The following IL21R variants were observed in gnomAD, a reference collection of about 807,000 sequenced individuals.
The protein encoded by IL21R is interleukin-21 receptor.
In IL21R, 14 loss-of-function variants were observed where a neutral mutation model predicts 41.3. The ratio of observed to expected loss-of-function variants is 0.34; its 90% CI spans 0.22 to 0.53. The LOEUF is 0.53. Among genes scored for constraint, IL21R ranks in the 20% least tolerant of loss-of-function variants. The pLI, the probability that IL21R is intolerant of heterozygous loss-of-function variation, is 0.94. For synonymous variants in IL21R, 286 were observed against 287.6 expected, an observed-to-expected ratio of 0.99 and a Z score of 0.05; for missense variants, 588 against 681.6, an observed-to-expected ratio of 0.86 and a Z score of 1.53.
chr16:27,443,231 G>A, intron 5 of IL21R, 115 bp downstream of exon 5: 2 of 956,540 alleles, frequency 2.1e-6, no homozygotes, highest in Admixed American at 3.0e-5. Flanking sequence ...CAAGAACAGA[G>A]ACCAAGGGCA....
chr16:27,407,953 A>G (rs922292692), intron 1 of IL21R, among the ~76,000 whole-genome samples: 1 of 152,252 alleles, frequency 6.6e-6, no homozygotes, highest in African/African-American at 2.4e-5. Context: ...TACGGTCTAC[A>G]TAGGTCTTAA....
intron 4 of IL21R, among the ~76,000 whole-genome samples, chr16:27,440,001 C>T (rs1238903450): frequency 6.6e-6 from 1 of 151,964 alleles, no homozygotes; most frequent in Non-Finnish European, 1.5e-5. Context: ...CTCCACCTGC[C>T]CCGGGGAAGA....
intron 1 of IL21R, among the ~76,000 whole-genome samples, chr16:27,418,455 G>A (rs1006404550): frequency 2.6e-5 from 4 of 152,108 alleles, no homozygotes; most frequent in South Asian, 2.1e-4. Flanking sequence ...TGCAACCTCC[G>A]CCTCCCAGGT....
At chr16:27,437,265 G>T (rs1236363953) in intron 3 of IL21R, among the ~76,000 whole-genome samples, 2 of 152,176 alleles carry the variant, frequency 1.3e-5, no homozygotes, top group African/African-American at 4.8e-5. Flanking sequence ...CCCCTGGGAG[G>T]TGTGCAAGCT....
chr16:27,433,899 C>T (rs1161609820), intron 2 of IL21R, among the ~76,000 whole-genome samples: 2 of 152,158 alleles, frequency 1.3e-5, no homozygotes, highest in Non-Finnish European at 2.9e-5. Context: ...GGGACATTTT[C>T]AGCATAGCTG....
intron 8 of IL21R, chr16:27,447,561 T>A (rs1411098322): frequency 1.3e-5 from 2 of 152,208 alleles, no homozygotes; most frequent in Non-Finnish European, 2.9e-5. Context: ...GGGAGGGTCC[T>A]TCAAGTTTAA....
Position 27,449,939 on chromosome 16 carries a change from C to T in IL21R, c.*656C>T, listed in dbSNP as rs1252579420. 1.7e-5 allele frequency: 4 copies of T among 233,322 alleles called. No individual in the cohort carries two copies. Among genetic ancestry groups the T allele is most frequent in the Middle Eastern group, 1.2e-3 (1 of 806 alleles). The allele number at this position is 233,322 out of a possible 1,614,324, so 14.5% of individuals were successfully genotyped here. On this transcript the variant is annotated 3_prime_UTR_variant, in exon 9 of 9. Transcript: ENST00000337929. ...TCTGGCTGTGCTACCTGAGCCAAGT[C>T]GCCTCCCCTCTCTGGGCTAGAGTTT...
chr16:27,438,833 G>A (rs912464933), intron 4 of IL21R, among the ~76,000 whole-genome samples: 2 of 152,184 alleles, frequency 1.3e-5, no homozygotes, highest in Non-Finnish European at 2.9e-5. Flanking sequence ...TCATGCCACC[G>A]CACTCCAGCC....
At chr16:27,414,279 T>C (rs992632954) in intron 1 of IL21R, among the ~76,000 whole-genome samples, 2 of 151,908 alleles carry the variant, frequency 1.3e-5, no homozygotes, top group African/African-American at 4.8e-5. Flanking sequence ...TTATTAAATG[T>C]GCTTTCTGAA....
At chr16:27,439,744 C>G (rs969290791) in intron 4 of IL21R, among the ~76,000 whole-genome samples, 1 of 152,194 alleles carries the variant, frequency 6.6e-6, no homozygotes, top group African/African-American at 2.4e-5. Context: ...CTCTGGCATT[C>G]CCTCCCTCCC....
At chr16:27,422,080 T>G (rs1273830965) in intron 1 of IL21R, among the ~76,000 whole-genome samples, 1 of 152,112 alleles carries the variant, frequency 6.6e-6, no homozygotes, top group Non-Finnish European at 1.5e-5. Context: ...TAAATTGGCT[T>G]TTGAAATTTC....
Position 27,443,216 on chromosome 16 carries a change from A to G in IL21R, c.507+100A>G, listed in dbSNP as rs1308390775. The G allele has an allele frequency of 5.3e-6, 6 of 1,135,622 alleles. No homozygotes were observed. In the East Asian group the frequency reaches 1.3e-4, roughly 25 times the overall value. 70.3% of individuals were successfully genotyped at this position (1,135,622 alleles called of 1,614,324 possible). On this transcript the variant is annotated intron_variant, in intron 5 of 8. Transcript: ENST00000337929. Reference sequence around the variant, plus strand: ...GAGAGACGGGTGAACAACATCATTCATGGCCAAGAACAGAGACCAAGGGCA... The same window carrying G: ...GAGAGACGGGTGAACAACATCATTCGTGGCCAAGAACAGAGACCAAGGGCA...
intron 3 of IL21R, among the ~76,000 whole-genome samples, chr16:27,435,764 A>ACTTT (rs1021005705): frequency 3.3e-5 from 5 of 150,174 alleles, no homozygotes; most frequent in East Asian, 4.0e-4. Context: ...CAAACAGGAC[A>ACTTT]CTTTCTTTCT....
At chr16:27,417,353 G>C (rs2086906324) in intron 1 of IL21R, among the ~76,000 whole-genome samples, 1 of 151,926 alleles carries the variant, frequency 6.6e-6, no homozygotes, top group South Asian at 2.1e-4. Flanking sequence ...TTTTTGTAGA[G>C]ATGAGGTCTT....
chr16:27,439,865 G>A (rs902997886), intron 4 of IL21R, among the ~76,000 whole-genome samples: 3 of 152,094 alleles, frequency 2.0e-5, no homozygotes, highest in South Asian at 2.1e-4. Flanking sequence ...GCTGGGCTGA[G>A]CAGCCCCTCT....
At chr16:27,417,978 A>G (rs994804368) in intron 1 of IL21R, among the ~76,000 whole-genome samples, 4 of 151,672 alleles carry the variant, frequency 2.6e-5, no homozygotes, top group Non-Finnish European at 5.9e-5. Context: ...ATAATAAATT[A>G]ACTTTGGCTT....
chr16:27,445,170 T>C lies in IL21R; in HGVS notation c.686-7T>C, dbSNP rs1323177722. 6.2e-7 allele frequency: 1 copy of C among 1,606,734 alleles called. No homozygotes were observed. The highest frequency in any genetic ancestry group is 1.7e-5 in the Admixed American group (1 of 59,978). ...GCCATTTAACCCTTTCTTTGCTTCC[T>C]TCCCAGAGTTAAAGGAAGGCTGGAA... On this transcript the variant is annotated splice_polypyrimidine_tract_variant and splice_region_variant and intron_variant, in intron 6 of 8. Transcript: ENST00000337929.
chr16:27,405,315 G>A (rs1262338252), intron 1 of IL21R, among the ~76,000 whole-genome samples: 1 of 152,144 alleles, frequency 6.6e-6, no homozygotes, highest in African/African-American at 2.4e-5. Context: ...TTATAGACAT[G>A]AGCCACCGTG....
At chr16:27,432,286 C>A (rs950052404) in intron 2 of IL21R, among the ~76,000 whole-genome samples, 2 of 152,232 alleles carry the variant, frequency 1.3e-5, no homozygotes, top group Non-Finnish European at 2.9e-5. Context: ...GCCTCTAGGG[C>A]AAGCAGTGTC....
Sources: allele counts gnomAD v4.1 joint callset (sites outside exome capture counted in the v4.1 genomes callset), GRCh38; gene constraint gnomAD v4.1.1; transcripts MANE v1.5; gene names NCBI Gene and HGNC (gene_info 2026-07-23, HGNC 2026-07-21).